The following CCT6A variants were observed in gnomAD, a reference collection of about 807,000 sequenced individuals.
The protein encoded by CCT6A is T-complex protein 1 subunit zeta.
A neutral mutation model predicts 58.6 loss-of-function variants in CCT6A; 6 were observed. That is an observed-to-expected ratio of 0.10 (90% CI 0.06 to 0.20). The LOEUF (loss-of-function observed/expected upper bound fraction) is 0.20. Among genes scored for constraint, CCT6A ranks in the 10% least tolerant of loss-of-function variants. The probability of loss-of-function intolerance (pLI) is 1.00; values close to 1 mark genes in which losing one functional copy is unlikely to be tolerated. For synonymous variants in CCT6A, 245 were observed against 227.8 expected, an observed-to-expected ratio of 1.08 and a Z score of -0.68; for missense variants, 516 against 648.8, an observed-to-expected ratio of 0.80 and a Z score of 2.22.
chr7:56,051,984 A>G lies in CCT6A; in HGVS notation c.136A>G (p.Met46Val). 6.7e-7 allele frequency: 1 copy of G among 1,495,206 alleles called. No homozygotes were observed. 92.6% of individuals were successfully genotyped at this position (1,495,206 alleles called of 1,614,324 possible). Residue 46 changes from methionine to valine, a missense_variant and splice_region_variant, in exon 1 of 14, where the codon ATG becomes GTG. Coordinates refer to ENST00000275603, the MANE Select transcript of CCT6A (RefSeq NM_001762.4). ...CCTGGGGCCCAAGGGCACCATGAAG[A>G]TGTAAGGCGGGGCTGAACCGGAGGG... Reference protein sequence around the residue: ...TNLGPKGTMKMLVSGAGDIKL... With the variant: ...TNLGPKGTMKVLVSGAGDIKL...
At chr7:56,061,716 T>G (rs1794444500) in intron 11 of CCT6A, 31 bp from the exon 12 acceptor site, 1 of 1,046,198 alleles carries the variant, frequency 9.6e-7, no homozygotes, top group East Asian at 2.5e-5. Flanking sequence ...TTAGTTCCTG[T>G]TTTCTCAAGA....
chr7:56,057,036 C>T (rs1794324508), intron 5 of CCT6A, among the ~76,000 whole-genome samples: 1 of 152,000 alleles, frequency 6.6e-6, no homozygotes, highest in South Asian at 2.1e-4. Context: ...ACCTCGTGAT[C>T]CGCCCACCTC....
chr7:56,059,976 A>T (rs1794398827), intron 9 of CCT6A: 1 of 446,620 alleles, frequency 2.2e-6, no homozygotes, highest in Non-Finnish European at 4.0e-6. Context: ...TGCTGAGATT[A>T]CAGGCATGAG....
At chr7:56,061,315 G>A (rs189364367) in intron 11 of CCT6A, among the ~76,000 whole-genome samples, 5 of 151,082 alleles carry the variant, frequency 3.3e-5, no homozygotes, top group Admixed American at 6.6e-5. Context: ...GAGTTGATCA[G>A]TAACTTGTGT....
At chr7:56,060,703 C>A in intron 10 of CCT6A, 104 bp from the exon 11 acceptor site, 1 of 1,398,156 alleles carries the variant, frequency 7.2e-7, no homozygotes, top group Non-Finnish European at 9.9e-7. Flanking sequence ...TGTATTTTGT[C>A]ATAGTAAATT....
Position 56,051,954 on chromosome 7 carries a change from A to G in CCT6A, c.106A>G (p.Thr36Ala). The G allele has an allele frequency of 6.5e-7, 1 of 1,540,676 alleles. No homozygotes were observed. The highest frequency in any genetic ancestry group is 8.8e-7 in the Non-Finnish European group (1 of 1,142,488). ...GCGGGGTCTGCAGGACGTGCTAAGG[A>G]CCAACCTGGGGCCCAAGGGCACCAT... is the stretch of plus-strand genomic sequence containing the variant. ...AARGLQDVLR[T>A]NLGPKGTMKM... Residue 36 changes from threonine (T) to alanine (A), a missense_variant, in exon 1 of 14, where the codon ACC (threonine) becomes GCC (alanine). Transcript: ENST00000275603.
intron 12 of CCT6A, 97 bp downstream of exon 12, chr7:56,061,946 C>G (rs1369970326): frequency 1.6e-6 from 1 of 632,812 alleles, no homozygotes; most frequent in Non-Finnish European, 2.7e-6. Context: ...CAATTTGACA[C>G]CAGTGCTGTT....
intron 1 of CCT6A, among the ~76,000 whole-genome samples, 177 bp from the exon 2 acceptor site, chr7:56,052,245 G>A (rs1220859651): frequency 6.6e-6 from 1 of 152,246 alleles, no homozygotes; most frequent in Non-Finnish European, 1.5e-5. Context: ...GCACCCTGAG[G>A]ACTCGGCACA....
chr7:56,054,519 G>C lies in CCT6A; in HGVS notation c.336+16G>C. 6.3e-7 allele frequency: 1 copy of C among 1,598,162 alleles called. No homozygotes were observed. Among genetic ancestry groups the C allele is most frequent in the Non-Finnish European group, 8.5e-7 (1 of 1,171,254 alleles). ...CATTTCTGAAGTATGCACAACTCTT[G>C]TTTCTGTAATTTTTTTTTGTATATA... On this transcript the variant is annotated intron_variant, in intron 3 of 13. Coordinates refer to ENST00000275603, the MANE Select transcript of CCT6A (RefSeq NM_001762.4).
intron 2 of CCT6A, 107 bp from the exon 3 acceptor site, chr7:56,054,262 C>G: frequency 3.4e-6 from 3 of 879,430 alleles, no homozygotes; most frequent in Non-Finnish European, 5.2e-6. Context: ...ATTTGGGTAG[C>G]TTTTTCAAGT....
At chr7:56,059,711 G>GGT in intron 9 of CCT6A, 71 bp downstream of exon 9, 1 of 799,990 alleles carries the variant, frequency 1.3e-6, no homozygotes, top group South Asian at 1.4e-5. Flanking sequence ...GTTTGTTTGA[G>GGT]GTGGGGTCTC....
chr7:56,062,253 G>C (rs1794462134), intron 12 of CCT6A, among the ~76,000 whole-genome samples: 1 of 152,212 alleles, frequency 6.6e-6, no homozygotes, highest in Non-Finnish European at 1.5e-5. Flanking sequence ...TAGTGAAATG[G>C]TGACAGCCCT....
intron 6 of CCT6A, 93 bp downstream of exon 6, chr7:56,058,196 A>G (rs1302882087): frequency 3.3e-6 from 3 of 908,088 alleles, no homozygotes; most frequent in Non-Finnish European, 5.2e-6. Flanking sequence ...CTGTAAGGAC[A>G]ATAATGCTCA....
At chr7:56,061,521 A>AT (rs1007329303) in intron 11 of CCT6A, among the ~76,000 whole-genome samples, 197 of 149,292 alleles carry the variant, frequency 1.3e-3, no homozygotes, top group African/African-American at 4.5e-3. Context: ...GTTTTTTTTT[A>AT]TTTTTAGTAG....
chr7:56,062,677 T>C lies in CCT6A; in HGVS notation c.1451-6T>C. The C allele has an allele frequency of 1.2e-6, 2 of 1,613,154 alleles. No individual in the cohort carries two copies. The highest frequency in any genetic ancestry group is 8.5e-7 in the Non-Finnish European group (1 of 1,179,120). The stretch of plus-strand genomic sequence containing the variant: ...GAACTTATTTTAAGATTTGGTTGCC[T>C]TTTAGGTGAGCCAATGGTGGCAGCA... On this transcript the variant is annotated splice_polypyrimidine_tract_variant and splice_region_variant and intron_variant, in intron 12 of 13. Coordinates refer to ENST00000275603, the MANE Select transcript of CCT6A (RefSeq NM_001762.4).
At chr7:56,061,407 T>C (rs1794429728) in intron 11 of CCT6A, among the ~76,000 whole-genome samples, 1 of 149,790 alleles carries the variant, frequency 6.7e-6, no homozygotes, top group Admixed American at 6.7e-5. Flanking sequence ...GACAGTTTTG[T>C]TCTTGTTTCC....
chr7:56,057,867 C>G (rs766472736), intron 5 of CCT6A, 126 bp from the exon 6 acceptor site: 5 of 633,572 alleles, frequency 7.9e-6, no homozygotes, highest in Non-Finnish European at 1.4e-5. Context: ...GGCAACAGAG[C>G]GAGACTTCAT....
intron 10 of CCT6A, 151 bp from the exon 11 acceptor site, chr7:56,060,656 T>C: frequency 9.1e-7 from 1 of 1,095,746 alleles, no homozygotes; most frequent in South Asian, 1.3e-5. Context: ...GAAGCCATTC[T>C]GGTTGAACCA....
At chr7:56,053,036 C>A (rs558564470) in intron 2 of CCT6A, among the ~76,000 whole-genome samples, 2 of 152,088 alleles carry the variant, frequency 1.3e-5, no homozygotes, top group Non-Finnish European at 2.9e-5. Flanking sequence ...TCAGGCGATC[C>A]CCCCGCATCA....
Sources: gnomAD v4.1 joint callset for allele counts (sites outside exome capture counted in the v4.1 genomes callset) on GRCh38, gnomAD v4.1.1 for gene constraint, MANE v1.5 for transcripts, NCBI Gene and HGNC (gene_info 2026-07-23, HGNC 2026-07-21) for gene names.